Variants in KLF15 observed in about 807,000 individuals in gnomAD.
KLF15 encodes the protein KLF transcription factor 15, also known as Krueppel-like factor 15.
A neutral mutation model predicts 24.6 loss-of-function variants in KLF15; 4 were observed. The ratio of observed to expected loss-of-function variants is 0.16; its 90% CI spans 0.08 to 0.37. The LOEUF is 0.37. Ranked by LOEUF, KLF15 falls within the 10% of genes least tolerant of loss-of-function variation. KLF15 has a pLI of 1.00. For missense variants in KLF15, 496 were observed against 560.6 expected (o/e 0.88, Z 1.16); for synonymous variants, 246 against 236.3 (o/e 1.04, Z -0.37).
the KLF15 span, among the ~76,000 whole-genome samples, chr3:126,319,936 G>A: frequency 6.6e-6 from 1 of 152,172 alleles, no homozygotes; most frequent in Admixed American, 6.5e-5. Context: ...CAGATCAGGA[G>A]AAGCCTGGGG....
Position 126,352,396 on chromosome 3 carries a change from C to T in KLF15, c.527G>A (p.Gly176Glu). The change falls in exon 2 of 3, where the codon GGG (glycine) becomes GAG (glutamate). Residue 176 changes from glycine to glutamate, a missense_variant. Transcript: ENST00000296233. ...DLDACSQLSA[G>E]PHKSHLHPGS... Reference sequence around the variant, plus strand: ...AGGATGGAGGTGGCTCTTGTGTGGCCCAGCTGAGAGCTGGCTGCAGGCATC... The same window carrying T: ...AGGATGGAGGTGGCTCTTGTGTGGCTCAGCTGAGAGCTGGCTGCAGGCATC... The T allele has an allele frequency of 1.2e-6, 2 of 1,613,076 alleles. No homozygotes were observed. The highest frequency in any genetic ancestry group is 8.5e-7 in the Non-Finnish European group (1 of 1,179,722).
chr3:126,329,014 G>A, the KLF15 span, among the ~76,000 whole-genome samples: 1 of 152,132 alleles, frequency 6.6e-6, no homozygotes, highest in Non-Finnish European at 1.5e-5. Context: ...TTCACTCATA[G>A]GGTGTCTGTT....
the KLF15 span, among the ~76,000 whole-genome samples, chr3:126,318,713 T>A: frequency 1.3e-5 from 2 of 152,354 alleles, no homozygotes; most frequent in African/African-American, 4.8e-5. Context: ...TTTAGTAGAC[T>A]TTATTTTTTG....
At chr3:126,294,742 G>A in the KLF15 span, among the ~76,000 whole-genome samples, 6 of 152,034 alleles carry the variant, frequency 3.9e-5, no homozygotes, top group South Asian at 4.2e-4. Context: ...AGAGAAAATC[G>A]GGTTCCTTCT....
rs920620310 is a variant in KLF15 at position 126,356,900 on chromosome 3, C to G, written c.-26+337G>C. On this transcript the variant is annotated intron_variant, in intron 1 of 2. Coordinates refer to ENST00000296233, the MANE Select transcript of KLF15 (RefSeq NM_014079.4). The surrounding 1 kb of genome is among the most constrained non-coding windows in gnomAD (Gnocchi z 4.4). ...GGGCTGGCCAGCGCGTCCGCTCTCC[C>G]CCTCCTCTCACCAGGCCGCGCCGGT... Among the ~76,000 whole-genome samples, 2 of 151,974 alleles carry G rather than the reference C, an allele frequency of 1.3e-5. No individual in the cohort carries two copies. Among genetic ancestry groups the G allele is most frequent in the African/African-American group, 2.4e-5 (1 of 41,410 alleles).
chr3:126,291,581 A>C, the KLF15 span, among the ~76,000 whole-genome samples: 3 of 152,248 alleles, frequency 2.0e-5, no homozygotes, highest in African/African-American at 4.8e-5. Flanking sequence ...CCACAGCAGC[A>C]ATGCTCCCTG....
the KLF15 span, among the ~76,000 whole-genome samples, chr3:126,321,053 G>C: frequency 4.8e-4 from 73 of 152,222 alleles, no homozygotes; most frequent in African/African-American, 1.8e-3. Flanking sequence ...ATCCACACAG[G>C]TGACACAGCC....
downstream of KLF15, among the ~76,000 whole-genome samples, chr3:126,338,522 A>G (rs2082455977): frequency 6.6e-6 from 1 of 152,182 alleles, no homozygotes; most frequent in African/African-American, 2.4e-5. Flanking sequence ...TAATGCAAAG[A>G]CTTCTGTGGG....
chr3:126,308,053 G>A, the KLF15 span, among the ~76,000 whole-genome samples: 1 of 152,224 alleles, frequency 6.6e-6, no homozygotes, highest in Non-Finnish European at 1.5e-5. Context: ...TACCATGTGG[G>A]GAGGAGCGCC....
At chr3:126,330,035 A>C in the KLF15 span, among the ~76,000 whole-genome samples, 2 of 149,434 alleles carry the variant, frequency 1.3e-5, no homozygotes, top group Non-Finnish European at 2.9e-5. Flanking sequence ...TGTTCTGCCC[A>C]GTGGGTCAGA....
At chr3:126,330,535 C>CT in the KLF15 span, among the ~76,000 whole-genome samples, 29,732 of 149,708 alleles carry the variant, frequency 0.2, 3,062 homozygotes, top group South Asian at 0.31. Flanking sequence ...TCCTTTCAGT[C>CT]TTTTTTTTTT....
chr3:126,296,527 G>T, the KLF15 span, among the ~76,000 whole-genome samples: 3 of 152,218 alleles, frequency 2.0e-5, no homozygotes, highest in Non-Finnish European at 4.4e-5. Context: ...TTCTTAATCT[G>T]CCAAGTTATA....
chr3:126,337,395 G>T, the KLF15 span, among the ~76,000 whole-genome samples: 2 of 126,014 alleles, frequency 1.6e-5, no homozygotes, highest in Non-Finnish European at 3.2e-5. Context: ...ATGGACACAG[G>T]AAGGGGAATA....
the KLF15 span, among the ~76,000 whole-genome samples, chr3:126,332,418 T>C: frequency 7.8e-6 from 1 of 128,684 alleles, no homozygotes; most frequent in African/African-American, 3.0e-5. Context: ...AAAACCCATC[T>C]GTACATCACC....
chr3:126,308,813 CA>C, the KLF15 span, among the ~76,000 whole-genome samples: 1 of 152,208 alleles, frequency 6.6e-6, no homozygotes, highest in Non-Finnish European at 1.5e-5. Context: ...ACTTCATTCA[CA>C]TGCTGAGAAG....
chr3:126,343,970 G>A lies in KLF15; in HGVS notation c.1083-75C>T, dbSNP rs9846944. 9.2e-4 allele frequency: 1,328 copies of A among 1,436,088 alleles called. 8 individuals are homozygous for A. In the African/African-American group the frequency reaches 0.017, roughly 19 times the overall value. The allele number at this position is 1,436,088 out of a possible 1,614,324, so 89.0% of individuals were successfully genotyped here. ...TGCCCCGACCCCACGAAGTTGCCGG[G>A]ATGCAAGGCGTGCACCTGGCACTCA... On this transcript the variant is annotated intron_variant, in intron 2 of 2. Coordinates refer to ENST00000296233, the MANE Select transcript of KLF15 (RefSeq NM_014079.4).
Position 126,352,374 on chromosome 3 carries a change from A to G in KLF15, c.549T>C (p.His183=), listed in dbSNP as rs2082591518. The change falls in exon 2 of 3, where the codon CAT becomes CAC. Residue 183 remains histidine (H), a synonymous_variant. Coordinates refer to ENST00000296233, the MANE Select transcript of KLF15 (RefSeq NM_014079.4). ...LSAGPHKSHL[H]PGSSGRERCS... is the part of the protein sequence containing the mutation. Reference sequence around the variant, plus strand: ...AGCGCTCTCTCCCGCTGGACCCAGGATGGAGGTGGCTCTTGTGTGGCCCAG... The same window carrying G: ...AGCGCTCTCTCCCGCTGGACCCAGGGTGGAGGTGGCTCTTGTGTGGCCCAG... 6.2e-7 allele frequency: 1 copy of G among 1,611,292 alleles called. No homozygotes were observed. Among genetic ancestry groups the G allele is most frequent in the Non-Finnish European group, 8.5e-7 (1 of 1,178,900 alleles).
At chr3:126,328,893 TG>T in the KLF15 span, among the ~76,000 whole-genome samples, 2 of 152,240 alleles carry the variant, frequency 1.3e-5, no homozygotes, top group Non-Finnish European at 2.9e-5. Context: ...ATTTTTCTAT[TG>T]GGATTTTTAT....
chr3:126,331,232 G>A, the KLF15 span, among the ~76,000 whole-genome samples: 1 of 152,176 alleles, frequency 6.6e-6, no homozygotes, highest in Non-Finnish European at 1.5e-5. Flanking sequence ...TGGCATAAGA[G>A]GACAGAGACC....
Sources: allele counts gnomAD v4.1 joint callset (sites outside exome capture counted in the v4.1 genomes callset), GRCh38; gene constraint gnomAD v4.1.1; non-coding constraint Gnocchi (gnomAD v3.1); transcripts MANE v1.5; gene names NCBI Gene and HGNC (gene_info 2026-07-23, HGNC 2026-07-21).